The following PDXDC1 variants were observed in gnomAD, a reference collection of about 807,000 sequenced individuals.
PDXDC1 encodes pyridoxal dependent decarboxylase domain containing 1.
A neutral mutation model predicts 100.1 loss-of-function variants in PDXDC1; 42 were observed. The ratio of observed to expected loss-of-function variants is 0.42; its 90% confidence interval spans 0.33 to 0.54. The LOEUF is 0.54. Among genes scored for constraint, PDXDC1 ranks in the 20% least tolerant of loss-of-function variants. The probability of loss-of-function intolerance (pLI) is 0.10; values close to 1 mark genes in which losing one functional copy is unlikely to be tolerated. For synonymous variants in PDXDC1, 260 were observed against 371.7 expected, an observed-to-expected ratio of 0.70 and a Z score of 3.46; for missense variants, 636 against 979.2, an observed-to-expected ratio of 0.65 and a Z score of 4.68.
chr16:15,040,266 C>G (rs567036399), downstream of PDXDC1: 6 of 433,040 alleles, frequency 1.4e-5, no homozygotes, highest in South Asian at 1.1e-4. Context: ...CGCTGAGGCT[C>G]GAGCTGGACT....
At chr16:15,066,139 G>T (rs1353015192) in intron 16 of PDXDC1, among the ~76,000 whole-genome samples, 1 of 152,110 alleles carries the variant, frequency 6.6e-6, no homozygotes, top group Non-Finnish European at 1.5e-5. Context: ...TTTGATTTCT[G>T]TCCTGTTAGC....
rs1337395067 is a variant in PDXDC1 at position 15,110,599 on chromosome 16, G to A, written c.1400-28280G>A. ...CTCTTTTCTTTGTGTGCATACAAAT[G>A]GACTTCAGCCCTTGGTGAGAGTGAG... On this transcript the variant is annotated intron_variant, in intron 16 of 16. Coordinates refer to the PDXDC1 transcript ENST00000535621. The A allele has an allele frequency of 1.1e-5, 18 of 1,581,758 alleles. No individual in the cohort carries two copies. In the Admixed American group the frequency reaches 2.5e-4, roughly 22 times the overall value.
chr16:15,050,356 GAC>G (rs2044247039), intron 16 of PDXDC1, among the ~76,000 whole-genome samples: 2 of 152,302 alleles, frequency 1.3e-5, no homozygotes, highest in South Asian at 4.1e-4. Flanking sequence ...TACACAGGAA[GAC>G]AGTTTTGCAG....
At chr16:15,047,597 G>T in intron 16 of PDXDC1, 1 of 1,354,310 alleles carries the variant, frequency 7.4e-7, no homozygotes, top group Non-Finnish European at 1.1e-6. Flanking sequence ...TGATGCGAGT[G>T]CAGTGCGCAG....
chr16:15,094,669 G>C (rs1350399528), intron 16 of PDXDC1: 2 of 250,834 alleles, frequency 8.0e-6, no homozygotes, highest in African/African-American at 4.7e-5. Flanking sequence ...CCAGGAGCCT[G>C]GGCTCTATAC....
At chr16:15,041,685 A>G (rs372285060), downstream of PDXDC1, 3 of 1,598,484 alleles carry the variant, frequency 1.9e-6, no homozygotes, top group Non-Finnish European at 2.6e-6. Flanking sequence ...ACCTATGATG[A>G]GAATTTTAAG....
downstream of PDXDC1, among the ~76,000 whole-genome samples, chr16:15,040,758 T>G (rs2043777520): frequency 6.6e-6 from 1 of 152,070 alleles, no homozygotes; most frequent in Non-Finnish European, 1.5e-5. Flanking sequence ...CCTGGGGTGC[T>G]GGGGGGAGAG....
rs748843881 is a variant in PDXDC1 at position 15,044,314 on chromosome 16, G to GA, written c.1399+14268dup. On this transcript the variant is annotated intron_variant, in intron 16 of 16. Transcript: ENST00000535621. ...ATATTTATGTCCAATTTGGGGGAAA[G>GA]AAAAAAAAAATGAACTTACTAAGAA... The GA allele has an allele frequency of 7.8e-3, 10,661 of 1,375,006 alleles. 2 individuals carry two copies. Among genetic ancestry groups the GA allele is most frequent in the Non-Finnish European group, 9.0e-3 (8,996 of 997,882 alleles). The allele number at this position is 1,375,006 out of a possible 1,614,324, so 85.2% of individuals were successfully genotyped here.
At chr16:15,063,508 A>G (rs1041438112) in intron 16 of PDXDC1, among the ~76,000 whole-genome samples, 2 of 152,044 alleles carry the variant, frequency 1.3e-5, no homozygotes, top group African/African-American at 4.8e-5. Flanking sequence ...GGAGATCGAG[A>G]CCATCCTGGC....
rs1021641887 is a variant in PDXDC1, at chr16:15,061,590, T to C, written c.1399+31534T>C. On this transcript the variant is annotated intron_variant, in intron 16 of 16. Transcript: ENST00000535621. ...ACAACAAAAAAACCCAGTCTTCAGA[T>C]GCTTGATTCAGTCGAACCTGGAAGT... 4.0e-5 allele frequency: 23 copies of C among 576,752 alleles called. No homozygotes were observed. The South Asian group carries it at 7.1e-4, about 18-fold the overall frequency. The allele number at this position is 576,752 out of a possible 1,614,324, so 35.7% of individuals were successfully genotyped here. A position where few individuals can be genotyped will look rare whatever the true frequency, so the allele number is the denominator to read the frequency against.
At chr16:15,109,733 T>C (rs2046960016) in intron 16 of PDXDC1, among the ~76,000 whole-genome samples, 1 of 110,016 alleles carries the variant, frequency 9.1e-6, no homozygotes, top group South Asian at 3.5e-4. Flanking sequence ...ACACCTGTAA[T>C]CCAAGCTACT....
chr16:15,131,490 C>G, intron 16 of PDXDC1: 7 of 1,607,516 alleles, frequency 4.4e-6, no homozygotes, highest in Non-Finnish European at 5.9e-6. Context: ...CATAGCACAG[C>G]AGGCTCCGCG....
At chr16:15,074,959 A>C in intron 16 of PDXDC1, 2 of 1,248,204 alleles carry the variant, frequency 1.6e-6, no homozygotes, top group Non-Finnish European at 1.1e-6. Flanking sequence ...TTAAAAGATA[A>C]AACAAAGAGG....
rs1245403019 is a variant in PDXDC1 at position 15,020,847 on chromosome 16, G to A, written c.1090-1857G>A. On this transcript the variant is annotated intron_variant, in intron 12 of 22. Coordinates refer to ENST00000396410, the MANE Select transcript of PDXDC1 (RefSeq NM_015027.4). ...AAATATACAAAAATTAGCCAGGTAT[G>A]GTGGCAGGCGCCTGTAGTCCCAGCT... is the stretch of plus-strand genomic sequence containing the variant. 6.6e-5 allele frequency among the ~76,000 whole-genome samples: 10 copies of A among 152,346 alleles called. 1 individual carries two copies. Among genetic ancestry groups the A allele is most frequent in the Non-Finnish European group, 1.5e-4 (10 of 68,044 alleles).
At chr16:15,021,539 C>T (rs1181827119) in intron 12 of PDXDC1, among the ~76,000 whole-genome samples, 2 of 152,276 alleles carry the variant, frequency 1.3e-5, no homozygotes, top group African/African-American at 4.8e-5. Flanking sequence ...GACTTGGGCA[C>T]TCGGGAGATT....
At chr16:15,082,990 C>T (rs1219059109) in intron 16 of PDXDC1, among the ~76,000 whole-genome samples, 1 of 151,908 alleles carries the variant, frequency 6.6e-6, no homozygotes, top group Non-Finnish European at 1.5e-5. Context: ...CCTTGACTTG[C>T]ACATAGTAAT....
At chr16:15,039,137 A>C (rs1439817117), downstream of PDXDC1, among the ~76,000 whole-genome samples, 10 of 152,224 alleles carry the variant, frequency 6.6e-5, no homozygotes, top group Admixed American at 3.3e-4. Context: ...AGAAGAAGCT[A>C]ATTTGCCAAA....
At chr16:15,041,839 T>G (rs1369498539), downstream of PDXDC1, among the ~76,000 whole-genome samples, 1 of 152,132 alleles carries the variant, frequency 6.6e-6, no homozygotes, top group Non-Finnish European at 1.5e-5. Context: ...GGCCAGACAC[T>G]AGGGAGCTGA....
chr16:15,097,343 G>A (rs1167559193), intron 16 of PDXDC1, among the ~76,000 whole-genome samples: 2 of 151,666 alleles, frequency 1.3e-5, no homozygotes, highest in African/African-American at 2.4e-5. Flanking sequence ...GAACATAATG[G>A]GCCAGACACA....
Sources: gnomAD v4.1 joint callset for allele counts (sites outside exome capture counted in the v4.1 genomes callset) on GRCh38, gnomAD v4.1.1 for gene constraint, MANE v1.5 for transcripts, NCBI Gene and HGNC (gene_info 2026-07-23, HGNC 2026-07-21) for gene names.